Variants in ENPP3 observed in about 807,000 individuals in gnomAD.
ENPP3 encodes ectonucleotide pyrophosphatase/phosphodiesterase 3, also known as ectonucleotide pyrophosphatase/phosphodiesterase family member 3.
A neutral mutation model predicts 117.8 loss-of-function variants in ENPP3; 104 were observed. The ratio of observed to expected loss-of-function variants is 0.88; its 90% CI spans 0.75 to 1.04. The LOEUF (loss-of-function observed/expected upper bound fraction) is 1.04, where lower values mean the gene tolerates loss of function less well. Among genes scored for constraint, ENPP3 ranks in the 50% least tolerant of loss-of-function variants. ENPP3 has a pLI of 0.00. For missense variants in ENPP3, 1,026 were observed against 1,051.9 expected (o/e 0.98, Z 0.34); for synonymous variants, 380 against 349.9 (o/e 1.09, Z -0.96).
At chr6:131,665,270 G>A (rs964927813) in intron 6 of ENPP3, among the ~76,000 whole-genome samples, 64 of 152,148 alleles carry the variant, frequency 4.2e-4, no homozygotes, top group African/African-American at 1.5e-3. Context: ...TTATTCATTT[G>A]AAAGCATTCT....
At chr6:131,703,288 A>G (rs1265772502) in intron 15 of ENPP3, among the ~76,000 whole-genome samples, 1 of 135,072 alleles carries the variant, frequency 7.4e-6, no homozygotes, top group South Asian at 2.5e-4. Context: ...AATTTTAAAG[A>G]AAAAAAGTGC....
At chr6:131,692,547 A>G (rs1385071710) in intron 14 of ENPP3, among the ~76,000 whole-genome samples, 1 of 150,812 alleles carries the variant, frequency 6.6e-6, no homozygotes, top group Non-Finnish European at 1.5e-5. Flanking sequence ...ACTCATATCT[A>G]CTAATATGGT....
chr6:131,677,325 CA>C (rs1262928784), intron 10 of ENPP3, among the ~76,000 whole-genome samples: 4 of 152,146 alleles, frequency 2.6e-5, no homozygotes, highest in Admixed American at 6.6e-5. Context: ...ATAGAGCCAG[CA>C]CCAGAGATCA....
chr6:131,730,636 T>G (rs1252972385), intron 20 of ENPP3, among the ~76,000 whole-genome samples: 1 of 152,144 alleles, frequency 6.6e-6, no homozygotes, highest in Non-Finnish European at 1.5e-5. Context: ...GTAAGACAGG[T>G]CAAGCGCAGT....
At chr6:131,684,108 T>C (rs947231086) in intron 12 of ENPP3, among the ~76,000 whole-genome samples, 1 of 151,918 alleles carries the variant, frequency 6.6e-6, no homozygotes, top group Non-Finnish European at 1.5e-5. Context: ...AGATATGGAG[T>C]AGATCCTTCC....
rs1482182503 is a variant in ENPP3 at position 131,679,188 on chromosome 6, G to A, written c.1011+1248G>A. Among the ~76,000 whole-genome samples, 14 of 151,030 alleles carry A rather than the reference G, an allele frequency of 9.3e-5. No individual in the cohort carries two copies. In the South Asian group the frequency reaches 1.7e-3, roughly 18 times the overall value. ...CAGCTCTCTGCAACCTCCATGTCCC[G>A]GATTCAAGCAGTTCTCCTGTCTCAG... On this transcript the variant is annotated intron_variant, in intron 11 of 24. Transcript: ENST00000357639.
At chr6:131,694,364 G>A (rs567994329) in intron 15 of ENPP3, among the ~76,000 whole-genome samples, 2 of 152,286 alleles carry the variant, frequency 1.3e-5, no homozygotes, top group South Asian at 4.1e-4. Context: ...CTGAAAATAA[G>A]CCAGTAAACA....
rs1562447085 is a variant in ENPP3, at chr6:131,679,089, T to TTTC, written c.1011+1149_1011+1150insTTC. Among the ~76,000 whole-genome samples, 393 of 80,364 alleles carry TTTC rather than the reference T, an allele frequency of 4.9e-3. 43 individuals are homozygous for TTTC. The highest frequency in any genetic ancestry group is 0.012 in the East Asian group (28 of 2,280). 52.7% of individuals were successfully genotyped at this position (80,364 alleles called of 152,430 possible). A position where few individuals can be genotyped will look rare whatever the true frequency, so the allele number is the denominator to read the frequency against. On this transcript the variant is annotated intron_variant, in intron 11 of 24. Coordinates refer to ENST00000357639, the MANE Select transcript of ENPP3 (RefSeq NM_005021.5). ...TCTTTCTTTCTTTCTTTCTTTCTTT[T>TTTC]CTTCTTTCTTTCTTTCCTTTTTTGA...
chr6:131,745,045 T>A (rs1393920952), intron 24 of ENPP3, among the ~76,000 whole-genome samples: 1 of 152,034 alleles, frequency 6.6e-6, no homozygotes, highest in African/African-American at 2.4e-5. Context: ...CCTGCAAATT[T>A]AAAAAAGGGA....
rs192896118 is a variant in ENPP3, at chr6:131,722,574, T to G, written c.1746+169T>G. ...CTTACCTGGAAACGAGAAGTGAGAA[T>G]GCATACATTGTAAGATTAAGTAGGG... On this transcript the variant is annotated intron_variant, in intron 18 of 24. Transcript: ENST00000357639. Among the ~76,000 whole-genome samples, 61 of 152,350 alleles carry G rather than the reference T, an allele frequency of 4.0e-4. 1 individual carries two copies. Among genetic ancestry groups the G allele is most frequent in the Admixed American group, 3.8e-3 (58 of 15,304 alleles).
At chr6:131,643,295 G>C (rs1041157308) in intron 2 of ENPP3, among the ~76,000 whole-genome samples, 2 of 152,142 alleles carry the variant, frequency 1.3e-5, no homozygotes, top group Non-Finnish European at 2.9e-5. Flanking sequence ...ATCACTTCTT[G>C]GCTATTTTAC....
chr6:131,641,406 T>C (rs769728401), intron 1 of ENPP3, 49 bp from the exon 2 acceptor site: 8 of 1,239,104 alleles, frequency 6.5e-6, no homozygotes, highest in Non-Finnish European at 8.1e-6. Context: ...TTTGTATCTT[T>C]GTAATTTTTT....
intron 20 of ENPP3, among the ~76,000 whole-genome samples, chr6:131,727,908 G>T (rs1301898271): frequency 6.6e-6 from 1 of 152,104 alleles, no homozygotes; most frequent in African/African-American, 2.4e-5. Flanking sequence ...TGATTGCATA[G>T]GTTTACCTAC....
At chr6:131,733,224 C>A (rs1780323567) in intron 20 of ENPP3, among the ~76,000 whole-genome samples, 1 of 152,110 alleles carries the variant, frequency 6.6e-6, no homozygotes, top group African/African-American at 2.4e-5. Flanking sequence ...AAAGTAAATA[C>A]ATTTTACTTT....
Position 131,641,464 on chromosome 6 carries a change from G to A in ENPP3, c.88G>A (p.Ala30Thr). The A allele has an allele frequency of 6.2e-7, 1 of 1,610,504 alleles. No homozygotes were observed. Among genetic ancestry groups the A allele is most frequent in the Non-Finnish European group, 8.5e-7 (1 of 1,177,400 alleles). The stretch of plus-strand genomic sequence containing the variant: ...TTCCTTTTTGCAATAGGTTCTTCTT[G>A]CTTTGCTGGTGATCATGTCACTTGG... Reference protein sequence around the residue: ...KYKIACIVLLALLVIMSLGLG... With the variant: ...KYKIACIVLLTLLVIMSLGLG... Residue 30 changes from alanine to threonine, a missense_variant, in exon 2 of 25, where the codon GCT (alanine) becomes ACT (threonine). Physicochemically the swap from Ala to Thr is moderately conservative, Grantham distance 58 (BLOSUM62 0). Transcript: ENST00000357639.
Position 131,677,886 on chromosome 6 carries a change from G to T in ENPP3, c.957G>T (p.Met319Ile). 2.5e-6 allele frequency: 4 copies of T among 1,608,146 alleles called. No individual in the cohort carries two copies. The highest frequency in any genetic ancestry group is 1.1e-5 in the South Asian group (1 of 90,868). The part of the protein sequence containing the change: ...PKAERPRFYT[M>I]YFEEPDSSGH... ...CCCCTAGACCCAGGTTTTATACCAT[G>T]TATTTTGAAGAACCTGATTCCTCTG... The change falls in exon 11 of 25, where the codon ATG becomes ATT. Residue 319 changes from methionine to isoleucine, a missense_variant. Transcript: ENST00000357639.
In ENPP3 at chr6:131,722,283, C is replaced by T. The variant is rs754910007; in HGVS notation, c.1624C>T (p.Leu542Phe). 1.9e-6 allele frequency: 3 copies of T among 1,613,934 alleles called. No individual in the cohort carries two copies. The Admixed American group carries it at 5.0e-5, about 27-fold the overall frequency. Residue 542 changes from leucine to phenylalanine, a missense_variant, in exon 18 of 25, where the codon CTT (leucine) becomes TTT (phenylalanine). By Grantham distance (22) the Leu-to-Phe change is conservative (BLOSUM62 0). Coordinates refer to ENST00000357639, the MANE Select transcript of ENPP3 (RefSeq NM_005021.5). Reference protein sequence around the residue: ...NNGTHGSLNHLLKVPFYEPSH... With the variant: ...NNGTHGSLNHFLKVPFYEPSH... Reference sequence around the variant, plus strand: ...TGGAACCCATGGTAGTTTAAACCATCTTCTGAAGGTGCCTTTTTATGAGCC... The same window carrying T: ...TGGAACCCATGGTAGTTTAAACCATTTTCTGAAGGTGCCTTTTTATGAGCC...
intron 2 of ENPP3, among the ~76,000 whole-genome samples, chr6:131,647,071 G>A (rs951118302): frequency 2.0e-5 from 3 of 148,826 alleles, no homozygotes; most frequent in Non-Finnish European, 4.4e-5. Flanking sequence ...ACGGGGTTTC[G>A]CCATGTTGCC....
In ENPP3 at chr6:131,693,609, A is replaced by G. The variant is rs201724681; in HGVS notation, c.1397A>G (p.Gln466Arg). The change falls in exon 15 of 25, where the codon CAG (glutamine) becomes CGG (arginine). Residue 466 changes from glutamine to arginine, a missense_variant. By Grantham distance (43) the Gln-to-Arg change is conservative. Coordinates refer to ENST00000357639, the MANE Select transcript of ENPP3 (RefSeq NM_005021.5). ...IDKVHLFVDQ[Q>R]WLAVRSKSNT... is the part of the protein sequence containing the mutation. Reference sequence around the variant, plus strand: ...AAAGTTCATCTCTTTGTGGATCAACAGTGGCTGGCTGTTAGGTTCGTGTAT... The same window carrying G: ...AAAGTTCATCTCTTTGTGGATCAACGGTGGCTGGCTGTTAGGTTCGTGTAT... The G allele has an allele frequency of 6.2e-7, 1 of 1,613,508 alleles. No homozygotes were observed. The highest frequency in any genetic ancestry group is 2.2e-5 in the East Asian group (1 of 44,842).
Sources: allele counts gnomAD v4.1 joint callset (sites outside exome capture counted in the v4.1 genomes callset), GRCh38; gene constraint gnomAD v4.1.1; transcripts MANE v1.5; gene names NCBI Gene and HGNC (gene_info 2026-07-23, HGNC 2026-07-21).